The following HELZ variants were observed in gnomAD, a reference collection of about 807,000 sequenced individuals.
The protein encoded by HELZ is helicase with zinc finger, also known as ATP-dependent RNA helicase with zinc finger domain.
Under a neutral mutation model 218.2 loss-of-function variants are expected in HELZ, and 23 were observed. The ratio of observed to expected loss-of-function variants is 0.11; its 90% CI spans 0.08 to 0.15. The LOEUF is 0.15. Ranked by LOEUF, HELZ falls within the 10% of genes least tolerant of loss-of-function variation. The probability of loss-of-function intolerance (pLI) is 1.00; values close to 1 mark genes in which losing one functional copy is unlikely to be tolerated. For synonymous variants in HELZ, 814 were observed against 829.4 expected (o/e 0.98, Z 0.32); for missense variants, 1,813 against 2,353.7 (o/e 0.77, Z 4.75).
At chr17:67,201,302 C>A in intron 6 of HELZ, 117 bp from the exon 7 acceptor site, 1 of 649,060 alleles carries the variant, frequency 1.5e-6, no homozygotes. Flanking sequence ...ATGTTATCCT[C>A]ATCCCTCATC....
chr17:67,236,483 G>A (rs1188326437), intron 3 of HELZ, among the ~76,000 whole-genome samples: 1 of 152,056 alleles, frequency 6.6e-6, no homozygotes, highest in Non-Finnish European at 1.5e-5. Context: ...AGATTAAAGT[G>A]TTAACTGAAA....
In HELZ at chr17:67,149,927, A is replaced by G. The variant is rs2038622723; in HGVS notation, c.2415T>C (p.Ile805=). The G allele has an allele frequency of 1.2e-6, 2 of 1,611,578 alleles. No individual in the cohort carries two copies. Among genetic ancestry groups the G allele is most frequent in the Non-Finnish European group, 8.5e-7 (1 of 1,178,606 alleles). ...TTTGAGTTGCTAATGCTAGAGGCATAATGGTTTCACACTCCATGGCCTGGG... is the reference window on the plus strand; with the variant it reads ...TTTGAGTTGCTAATGCTAGAGGCATGATGGTTTCACACTCCATGGCCTGGG... ...EAAQAMECET[I]MPLALATQNT... is the part of the protein sequence containing the mutation. Residue 805 remains isoleucine (I), a synonymous_variant, in exon 19 of 33, where the codon ATT becomes ATC. Transcript: ENST00000358691.
At chr17:67,087,658 T>C (rs906380673) in intron 31 of HELZ, among the ~76,000 whole-genome samples, 3 of 152,218 alleles carry the variant, frequency 2.0e-5, no homozygotes, top group African/African-American at 7.2e-5. Context: ...TGCATTTCTT[T>C]TAGTCAAACG....
At chr17:67,160,777 C>G (rs1369453273) in intron 16 of HELZ, 120 bp downstream of exon 16, 10 of 714,846 alleles carry the variant, frequency 1.4e-5, no homozygotes, top group Non-Finnish European at 1.9e-5. Flanking sequence ...TTCCTTTTCT[C>G]TTTTTTTCAT....
rs749384636 is a variant in HELZ, at chr17:67,218,836, G to A, written c.-18-14C>T. 2.5e-6 allele frequency: 4 copies of A among 1,573,464 alleles called. No individual in the cohort carries two copies. The highest frequency in any genetic ancestry group is 4.5e-5 in the East Asian group (2 of 44,698). ...GGGACAAAAATCCTACAGACAGGGA[G>A]AAAGAACAAGAGAAGGTTTTTTAAA... On this transcript the variant is annotated splice_polypyrimidine_tract_variant and intron_variant, in intron 3 of 32. Coordinates refer to ENST00000358691, the MANE Select transcript of HELZ (RefSeq NM_014877.4).
intron 7 of HELZ, among the ~76,000 whole-genome samples, chr17:67,198,619 GTTACTAAAGAATAT>G (rs1416090534): frequency 1.3e-5 from 2 of 152,164 alleles, no homozygotes; most frequent in African/African-American, 4.8e-5. Context: ...TATTTTAAAT[GTTACTAAAGAATAT>G]TTACTAAAGA....
At position 67,070,682 on chromosome 17, in the gene HELZ, TG is replaced by T. The variant is rs1381862086; in HGVS notation, c.*7569del. The stretch of plus-strand genomic sequence containing the variant: ...AAATAAAAACCCTAGAGAGTGGCTT[TG>T]GGGTTATTTTATGGTACAAAGTCAC... On this transcript the variant is annotated 3_prime_UTR_variant, in exon 33 of 33. Coordinates refer to ENST00000358691, the MANE Select transcript of HELZ (RefSeq NM_014877.4). 6 of 152,168 alleles carry T rather than the reference TG, an allele frequency of 3.9e-5. No individual in the cohort carries two copies. The highest frequency in any genetic ancestry group is 1.4e-4 in the African/African-American group (6 of 41,442). 9.4% of individuals were successfully genotyped at this position (152,168 alleles called of 1,614,324 possible).
At chr17:67,208,321 T>C (rs2040358961) in intron 5 of HELZ, among the ~76,000 whole-genome samples, 2 of 152,074 alleles carry the variant, frequency 1.3e-5, no homozygotes, top group Non-Finnish European at 1.5e-5. Context: ...GATGGAGCAG[T>C]TCTGTATCTT....
At chr17:67,084,752 A>C (rs2036311448) in intron 32 of HELZ, among the ~76,000 whole-genome samples, 1 of 152,218 alleles carries the variant, frequency 6.6e-6, no homozygotes, top group East Asian at 1.9e-4. Context: ...AAAGTAACAA[A>C]TTATTATCAC....
intron 32 of HELZ, among the ~76,000 whole-genome samples, chr17:67,084,662 CAAAAA>C (rs58150179): frequency 7.9e-6 from 1 of 126,464 alleles, no homozygotes. Flanking sequence ...GACTCCGTCT[CAAAAA>C]AAAAAAAAAA....
chr17:67,191,865 C>T (rs1424872160), intron 9 of HELZ, among the ~76,000 whole-genome samples: 2 of 143,910 alleles, frequency 1.4e-5, no homozygotes, highest in Non-Finnish European at 3.0e-5. Flanking sequence ...ATAATAAAAA[C>T]ATTGATAAAA....
chr17:67,088,257 G>T (rs1002508053), intron 31 of HELZ, among the ~76,000 whole-genome samples: 2 of 152,118 alleles, frequency 1.3e-5, no homozygotes, highest in Non-Finnish European at 2.9e-5. Flanking sequence ...GATAGCAAAT[G>T]ATAAATCTGC....
intron 7 of HELZ, 87 bp downstream of exon 7, chr17:67,201,042 A>G (rs7218955): frequency 0.21 from 215,638 of 1,012,854 alleles, 27,873 homozygotes; most frequent in African/African-American, 0.57. Context: ...GGCTGATGCC[A>G]CAATGGTTTT....
intron 31 of HELZ, among the ~76,000 whole-genome samples, chr17:67,089,688 G>GAGAC (rs1284557481): frequency 5.4e-5 from 7 of 130,222 alleles, no homozygotes; most frequent in African/African-American, 2.3e-4. Flanking sequence ...GAGAGAGAGA[G>GAGAC]AGAGAGAGAG....
intron 3 of HELZ, among the ~76,000 whole-genome samples, chr17:67,231,688 G>C (rs1429421332): frequency 6.6e-6 from 1 of 151,938 alleles, no homozygotes; most frequent in Non-Finnish European, 1.5e-5. Context: ...GGAAAACTGG[G>C]TAAAGAGTTT....
intron 23 of HELZ, among the ~76,000 whole-genome samples, chr17:67,133,602 C>T (rs2038054741): frequency 6.6e-6 from 1 of 152,124 alleles, no homozygotes; most frequent in Non-Finnish European, 1.5e-5. Flanking sequence ...AGAGCCTCAA[C>T]CTCCTGGGCT....
intron 5 of HELZ, among the ~76,000 whole-genome samples, chr17:67,209,910 CTATT>C (rs1187040812): frequency 1.3e-5 from 2 of 152,044 alleles, no homozygotes; most frequent in Admixed American, 1.3e-4. Context: ...ACCATAGAAA[CTATT>C]TAATCAAAAC....
At chr17:67,224,028 G>C (rs1252807242) in intron 3 of HELZ, among the ~76,000 whole-genome samples, 2 of 152,132 alleles carry the variant, frequency 1.3e-5, no homozygotes, top group Non-Finnish European at 2.9e-5. Flanking sequence ...TTCCCTTCGA[G>C]AATTCACCTC....
At chr17:67,195,548 T>A in intron 7 of HELZ, 78 bp from the exon 8 acceptor site, 1 of 811,332 alleles carries the variant, frequency 1.2e-6, no homozygotes. Flanking sequence ...TTTTCAATAT[T>A]AAAACAAAGG....
Sources: allele counts gnomAD v4.1 joint callset (sites outside exome capture counted in the v4.1 genomes callset), GRCh38; gene constraint gnomAD v4.1.1; transcripts MANE v1.5; gene names NCBI Gene and HGNC (gene_info 2026-07-23, HGNC 2026-07-21).